Variants in SORCS3 observed in about 807,000 individuals in gnomAD.
SORCS3 encodes sortilin related VPS10 domain containing receptor 3, also known as VPS10 domain-containing receptor SorCS3.
Under a neutral mutation model 146.3 loss-of-function variants are expected in SORCS3, and 57 were observed. That is an observed-to-expected ratio of 0.39 (90% CI 0.31 to 0.49). SORCS3 has a LOEUF of 0.49. Among genes scored for constraint, SORCS3 ranks in the 20% least tolerant of loss-of-function variants. The probability of loss-of-function intolerance (pLI) is 0.92; values close to 1 mark genes in which losing one functional copy is unlikely to be tolerated. For synonymous variants in SORCS3, 653 were observed against 618.5 expected, an observed-to-expected ratio of 1.06 and a Z score of -0.83; for missense variants, 1,341 against 1,575.5, an observed-to-expected ratio of 0.85 and a Z score of 2.52.
At chr10:105,137,807 A>C (rs1481173449) in intron 7 of SORCS3, among the ~76,000 whole-genome samples, 1 of 150,840 alleles carries the variant, frequency 6.6e-6, no homozygotes, top group Admixed American at 6.6e-5. Flanking sequence ...TTTAAAAACT[A>C]TTGATCTAGT....
chr10:105,116,862 T>C (rs2055896964), intron 7 of SORCS3, among the ~76,000 whole-genome samples: 1 of 152,024 alleles, frequency 6.6e-6, no homozygotes, highest in South Asian at 2.1e-4. Context: ...AAGAAGGGAA[T>C]GGTAGACCCC....
chr10:105,247,353 T>G (rs1444622055), intron 22 of SORCS3, 22 bp downstream of exon 22: 13 of 1,407,636 alleles, frequency 9.2e-6, no homozygotes, highest in Non-Finnish European at 1.1e-5. Context: ...TTGTCTTTTT[T>G]TAAGTTCTTG....
intron 3 of SORCS3, among the ~76,000 whole-genome samples, chr10:104,957,729 T>A (rs1431722283): frequency 1.3e-5 from 2 of 152,138 alleles, no homozygotes; most frequent in Non-Finnish European, 2.9e-5. Context: ...GGAAGACCCT[T>A]TTCTCTGTTT....
At chr10:105,210,304 G>A (rs945293017) in intron 16 of SORCS3, among the ~76,000 whole-genome samples, 1 of 152,130 alleles carries the variant, frequency 6.6e-6, no homozygotes, top group Non-Finnish European at 1.5e-5. Flanking sequence ...CCCCATCGGT[G>A]GGTTTCAGAA....
chr10:104,696,057 CATATT>C lies in SORCS3; in HGVS notation c.627+54108_627+54112del, dbSNP rs1316316301. ...TAATATATAATATATATCATATACA[CATATT>C]ATATATAATATATATCATATACACA... is the stretch of plus-strand genomic sequence containing the variant. On this transcript the variant is annotated intron_variant, in intron 1 of 26. Coordinates refer to ENST00000369701, the MANE Select transcript of SORCS3 (RefSeq NM_014978.3). 6.0e-4 allele frequency among the ~76,000 whole-genome samples: 74 copies of C among 123,060 alleles called. 1 individual carries two copies. Among genetic ancestry groups the C allele is most frequent in the African/African-American group, 2.0e-3 (65 of 31,832 alleles). 80.7% of individuals were successfully genotyped at this position (123,060 alleles called of 152,430 possible). A position where few individuals can be genotyped will look rare whatever the true frequency, so the allele number is the denominator to read the frequency against.
At chr10:104,679,505 C>G (rs1017652524) in intron 1 of SORCS3, among the ~76,000 whole-genome samples, 16 of 152,216 alleles carry the variant, frequency 1.1e-4, no homozygotes, top group African/African-American at 3.4e-4. Context: ...CTTTTCCTGT[C>G]TTAATCCTCT....
intron 5 of SORCS3, among the ~76,000 whole-genome samples, chr10:105,078,897 C>T (rs790733): frequency 0.31 from 47,151 of 152,000 alleles, 7,531 homozygotes; most frequent in Admixed American, 0.39. Context: ...GGAATTTATG[C>T]TCTGAGCTGC....
In SORCS3 at chr10:104,651,628, C is replaced by T. The variant is rs116793438; in HGVS notation, c.627+9674C>T. 8.2e-3 allele frequency among the ~76,000 whole-genome samples: 1,240 copies of T among 151,304 alleles called. 17 individuals carry two copies. Among genetic ancestry groups the T allele is most frequent in the African/African-American group, 0.028 (1,172 of 41,178 alleles). ...GGCTGAGGCTGGAGAATCTCTTGAA[C>T]GCAGGAGGCAGGGGTTGCAGTGAGC... On this transcript the variant is annotated intron_variant, in intron 1 of 26. Transcript: ENST00000369701.
intron 6 of SORCS3, among the ~76,000 whole-genome samples, chr10:105,096,019 A>G (rs942168685): frequency 5.3e-5 from 8 of 152,084 alleles, no homozygotes; most frequent in African/African-American, 1.9e-4. Flanking sequence ...TCATTGGTTC[A>G]CAATCCACTC....
At chr10:104,837,577 C>T (rs533756304) in intron 1 of SORCS3, among the ~76,000 whole-genome samples, 1 of 152,252 alleles carries the variant, frequency 6.6e-6, no homozygotes, top group South Asian at 2.1e-4. Context: ...ATTTGGTAAA[C>T]CTGGCTCTCC....
intron 20 of SORCS3, among the ~76,000 whole-genome samples, chr10:105,230,487 T>G (rs1238089251): frequency 6.6e-6 from 1 of 152,166 alleles, no homozygotes; most frequent in African/African-American, 2.4e-5. Flanking sequence ...TATATTTCAC[T>G]TGCACTTCAG....
rs1014897998 is a variant in SORCS3 at position 105,242,198 on chromosome 10, C to A, written c.2869-3344C>A. Among the ~76,000 whole-genome samples the A allele has an allele frequency of 4.7e-5, 7 of 147,422 alleles. No individual in the cohort carries two copies. The East Asian group carries it at 1.4e-3, about 29-fold the overall frequency. ...ACATTTCCACCAAAATTATATGAGTCCTAATTGTCCTGCATCTTCAATATT... is the reference window on the plus strand; with the variant it reads ...ACATTTCCACCAAAATTATATGAGTACTAATTGTCCTGCATCTTCAATATT... On this transcript the variant is annotated intron_variant, in intron 20 of 26. Coordinates refer to ENST00000369701, the MANE Select transcript of SORCS3 (RefSeq NM_014978.3).
At chr10:105,104,741 T>G (rs1216064869) in intron 6 of SORCS3, among the ~76,000 whole-genome samples, 1 of 152,230 alleles carries the variant, frequency 6.6e-6, no homozygotes, top group East Asian at 1.9e-4. Context: ...TTCTGTGCAG[T>G]ATGGCACAAG....
At chr10:105,045,272 TCTTC>T (rs1414076724) in intron 5 of SORCS3, among the ~76,000 whole-genome samples, 1 of 152,170 alleles carries the variant, frequency 6.6e-6, no homozygotes, top group African/African-American at 2.4e-5. Context: ...TCATCCACCC[TCTTC>T]CTTTATGCAG....
intron 5 of SORCS3, among the ~76,000 whole-genome samples, chr10:105,051,121 ATT>A (rs2055408045): frequency 6.6e-6 from 1 of 152,112 alleles, no homozygotes; most frequent in South Asian, 2.1e-4. Flanking sequence ...GCAGGATTGC[ATT>A]TTCTAAGAAT....
At chr10:105,197,367 T>A (rs1054022983) in intron 14 of SORCS3, among the ~76,000 whole-genome samples, 1 of 152,198 alleles carries the variant, frequency 6.6e-6, no homozygotes, top group Non-Finnish European at 1.5e-5. Context: ...TATGTGCCAT[T>A]AAGCACCTTT....
intron 2 of SORCS3, among the ~76,000 whole-genome samples, chr10:104,858,507 C>T (rs945948142): frequency 8.6e-5 from 13 of 152,036 alleles, no homozygotes; most frequent in African/African-American, 2.7e-4. Context: ...GTGCATATCT[C>T]GATACTTAAA....
rs370129020 is a variant in SORCS3 at position 105,257,995 on chromosome 10, C to G, written c.3443+1071C>G. On this transcript the variant is annotated intron_variant, in intron 25 of 26. Transcript: ENST00000369701. The stretch of plus-strand genomic sequence containing the variant: ...TTTAGTCCTGGAGTCTTTCCAGGAA[C>G]TAAAGATAATGCTTTTAGGTTTTGG... Among the ~76,000 whole-genome samples, 6 of 152,250 alleles carry G rather than the reference C, an allele frequency of 3.9e-5. No homozygotes were observed. The South Asian group carries it at 1.2e-3, about 32-fold the overall frequency.
intron 7 of SORCS3, among the ~76,000 whole-genome samples, chr10:105,116,528 T>C (rs903227479): frequency 2.0e-5 from 3 of 152,144 alleles, no homozygotes; most frequent in African/African-American, 7.2e-5. Context: ...GCAATGCCAT[T>C]ATTGGGTATA....
Sources: allele counts gnomAD v4.1 joint callset (sites outside exome capture counted in the v4.1 genomes callset), GRCh38; gene constraint gnomAD v4.1.1; transcripts MANE v1.5; gene names NCBI Gene and HGNC (gene_info 2026-07-23, HGNC 2026-07-21).